COMMD10: variants seen among roughly 807,000 people sequenced by gnomAD.
COMMD10 encodes COMM domain containing 10.
In COMMD10, 33 loss-of-function variants were observed where a neutral mutation model predicts 28.9. That is an observed-to-expected ratio of 1.14 (90% CI 0.87 to 1.53). COMMD10 has a LOEUF of 1.53. Ranked by LOEUF, COMMD10 falls within the 40% of genes most tolerant of loss-of-function variation. The pLI is 0.00. For synonymous variants in COMMD10, 110 were observed against 81.7 expected, an observed-to-expected ratio of 1.35 and a Z score of -1.87; for missense variants, 310 against 233.4, an observed-to-expected ratio of 1.33 and a Z score of -2.14.
intron 5 of COMMD10, among the ~76,000 whole-genome samples, chr5:116,229,358 G>C (rs192577733): frequency 1.7e-3 from 261 of 152,112 alleles, no homozygotes; most frequent in Non-Finnish European, 2.9e-3. Flanking sequence ...GATAATCCTA[G>C]CAGGATCAAC....
intron 5 of COMMD10, among the ~76,000 whole-genome samples, chr5:116,161,336 C>T (rs151167143): frequency 2.6e-3 from 390 of 152,140 alleles, no homozygotes; most frequent in Non-Finnish European, 4.4e-3. Context: ...TGGTTTAGTG[C>T]CGGCTGTATA....
intron 4 of COMMD10, among the ~76,000 whole-genome samples, chr5:116,128,752 C>A (rs1298852802): frequency 6.6e-6 from 1 of 151,894 alleles, no homozygotes; most frequent in Non-Finnish European, 1.5e-5. Flanking sequence ...TATTTATTCC[C>A]TTTGCTTTTA....
chr5:116,148,758 T>C (rs188315729), intron 5 of COMMD10, among the ~76,000 whole-genome samples: 36 of 151,938 alleles, frequency 2.4e-4, no homozygotes, highest in African/African-American at 8.2e-4. Flanking sequence ...TCAAAGAACA[T>C]TGTCAAGAAA....
chr5:116,289,361 T>C (rs1751303960), intron 5 of COMMD10, among the ~76,000 whole-genome samples: 1 of 151,858 alleles, frequency 6.6e-6, no homozygotes, highest in African/African-American at 2.4e-5. Flanking sequence ...GAAAGACAAC[T>C]ACCTCCCCTA....
intron 5 of COMMD10, chr5:116,188,516 C>T (rs1748220459): frequency 6.6e-6 from 1 of 152,070 alleles, no homozygotes. Flanking sequence ...TTTGTCTTTC[C>T]AATTTTAGCA....
chr5:116,263,581 G>A (rs1580595017), intron 5 of COMMD10, among the ~76,000 whole-genome samples: 1 of 151,488 alleles, frequency 6.6e-6, no homozygotes, highest in East Asian at 1.9e-4. Context: ...TTTACAGCCT[G>A]CTCTCTCTCT....
chr5:116,252,107 G>A (rs1441241512), intron 5 of COMMD10, among the ~76,000 whole-genome samples: 1 of 149,242 alleles, frequency 6.7e-6, no homozygotes, highest in Non-Finnish European at 1.5e-5. Flanking sequence ...CTTTTGAGAA[G>A]TGTCTGTTCA....
intron 5 of COMMD10, among the ~76,000 whole-genome samples, chr5:116,160,944 G>T (rs1032260622): frequency 8.6e-5 from 13 of 152,020 alleles, no homozygotes; most frequent in African/African-American, 3.1e-4. Context: ...TTCCCCAGAA[G>T]GCTTTTTTCT....
chr5:116,228,910 A>G (rs993083305), intron 5 of COMMD10, among the ~76,000 whole-genome samples: 1 of 152,020 alleles, frequency 6.6e-6, no homozygotes, highest in African/African-American at 2.4e-5. Flanking sequence ...TTGAAAACTT[A>G]GTGTGGGAAT....
At chr5:116,128,153 A>G (rs1751726138) in intron 4 of COMMD10, among the ~76,000 whole-genome samples, 1 of 152,072 alleles carries the variant, frequency 6.6e-6, no homozygotes, top group African/African-American at 2.4e-5. Context: ...TGAGGAGTTA[A>G]TGTAGTAATT....
chr5:116,136,015 C>T lies in COMMD10; in HGVS notation c.510+1837C>T, dbSNP rs140754957. Among the ~76,000 whole-genome samples, 7 of 152,258 alleles carry T rather than the reference C, an allele frequency of 4.6e-5. No homozygotes were observed. The East Asian group carries it at 5.8e-4, about 13-fold the overall frequency. ...TTTAGTCCAGTGCCCAGTATTACAG[C>T]GTGTGCTCAATAAATGCTGGCTACT... On this transcript the variant is annotated intron_variant, in intron 5 of 6. Coordinates refer to ENST00000274458, the MANE Select transcript of COMMD10 (RefSeq NM_016144.4).
chr5:116,274,452 G>T, intron 5 of COMMD10, among the ~76,000 whole-genome samples: 1 of 151,702 alleles, frequency 6.6e-6, no homozygotes, highest in East Asian at 1.9e-4. Context: ...TACAAAAACT[G>T]AAAGTAGGTC....
At chr5:116,155,941 T>C (rs1752690605) in intron 5 of COMMD10, among the ~76,000 whole-genome samples, 1 of 152,032 alleles carries the variant, frequency 6.6e-6, no homozygotes, top group South Asian at 2.1e-4. Context: ...CAAATTGAGG[T>C]CCTACAATTT....
At chr5:116,105,782 T>G (rs898857313) in intron 4 of COMMD10, among the ~76,000 whole-genome samples, 1 of 152,218 alleles carries the variant, frequency 6.6e-6, no homozygotes, top group Non-Finnish European at 1.5e-5. Flanking sequence ...GTAGTTTGTA[T>G]TTCTGTGGGA....
chr5:116,260,508 T>C (rs1750415001), intron 5 of COMMD10, among the ~76,000 whole-genome samples: 1 of 151,900 alleles, frequency 6.6e-6, no homozygotes, highest in African/African-American at 2.4e-5. Flanking sequence ...GGCATGTCAG[T>C]ATCTTGTAAA....
chr5:116,195,338 T>G (rs182533630), intron 5 of COMMD10, among the ~76,000 whole-genome samples: 15 of 152,164 alleles, frequency 9.9e-5, no homozygotes, highest in Admixed American at 7.9e-4. Flanking sequence ...GAGAAAGAAA[T>G]AAAGAGCATC....
intron 5 of COMMD10, among the ~76,000 whole-genome samples, chr5:116,260,473 G>C (rs1267922336): frequency 6.6e-6 from 1 of 151,754 alleles, no homozygotes; most frequent in Non-Finnish European, 1.5e-5. Context: ...ATTTAAAGTA[G>C]GCATGTTATT....
chr5:116,114,316 A>C (rs891414973), intron 4 of COMMD10, among the ~76,000 whole-genome samples: 1 of 152,070 alleles, frequency 6.6e-6, no homozygotes, highest in African/African-American at 2.4e-5. Flanking sequence ...GAGTGGGCTC[A>C]TGAGCTCTTG....
chr5:116,134,933 T>TA (rs34225330), intron 5 of COMMD10, among the ~76,000 whole-genome samples: 38 of 152,066 alleles, frequency 2.5e-4, no homozygotes, highest in Non-Finnish European at 4.1e-4. Flanking sequence ...CAATTTTTTT[T>TA]ATACCACAGG....
Sources: allele counts gnomAD v4.1 joint callset (sites outside exome capture counted in the v4.1 genomes callset), GRCh38; gene constraint gnomAD v4.1.1; transcripts MANE v1.5; gene names NCBI Gene and HGNC (gene_info 2026-07-23, HGNC 2026-07-21).